The following SCMH1 variants were observed in gnomAD, a reference collection of about 807,000 sequenced individuals.
SCMH1 encodes polycomb protein SCMH1.
Under a neutral mutation model 70.8 loss-of-function variants are expected in SCMH1, and 37 were observed. The observed-to-expected ratio is 0.52, with a 90% CI of 0.40 to 0.69. The LOEUF (loss-of-function observed/expected upper bound fraction) is 0.69, where lower values mean the gene tolerates loss of function less well. Among genes scored for constraint, SCMH1 ranks in the 30% least tolerant of loss-of-function variants. SCMH1 has a pLI of 0.00. For missense variants in SCMH1, 607 were observed against 827.3 expected (o/e 0.73, Z 3.27); for synonymous variants, 292 against 307.4 (o/e 0.95, Z 0.52).
At chr1:41,206,276 A>G (rs11209687) in intron 1 of SCMH1, among the ~76,000 whole-genome samples, 70,385 of 151,918 alleles carry the variant, frequency 0.46, 18,038 homozygotes, top group Admixed American at 0.6. Context: ...CAAACCCATC[A>G]CAAGGAAGCT....
At chr1:41,216,138 T>C (rs1318434746) in intron 1 of SCMH1, among the ~76,000 whole-genome samples, 2 of 152,176 alleles carry the variant, frequency 1.3e-5, no homozygotes, top group Non-Finnish European at 2.9e-5. Context: ...ATGACAGCCC[T>C]GGCAACTAAC....
At chr1:41,094,281 A>G (rs902797162) in intron 8 of SCMH1, among the ~76,000 whole-genome samples, 2 of 152,310 alleles carry the variant, frequency 1.3e-5, no homozygotes, top group African/African-American at 2.4e-5. Flanking sequence ...GCAATCAAGT[A>G]TATCATTACT....
At chr1:41,148,769 T>C (rs927372409) in intron 5 of SCMH1, among the ~76,000 whole-genome samples, 6 of 152,012 alleles carry the variant, frequency 3.9e-5, no homozygotes, top group Admixed American at 3.3e-4. Context: ...CTTGATTCTG[T>C]GGACCTATAG....
At chr1:41,182,055 TG>T (rs1648941065) in intron 2 of SCMH1, among the ~76,000 whole-genome samples, 1 of 152,182 alleles carries the variant, frequency 6.6e-6, no homozygotes, top group Non-Finnish European at 1.5e-5. Context: ...TGTAGGGACA[TG>T]GATGAAGCTG....
intron 8 of SCMH1, chr1:41,099,122 G>T (rs56110344): frequency 0.034 from 7,952 of 234,338 alleles, 209 homozygotes; most frequent in Non-Finnish European, 0.049. Flanking sequence ...CAACAAAACT[G>T]GGATTATCTA....
intron 6 of SCMH1, among the ~76,000 whole-genome samples, chr1:41,117,366 C>A (rs528088988): frequency 2.0e-5 from 3 of 151,540 alleles, no homozygotes; most frequent in South Asian, 4.1e-4. Flanking sequence ...CCGGACAGGG[C>A]CACCAGAGGG....
At chr1:41,173,683 T>C (rs921373162) in intron 2 of SCMH1, among the ~76,000 whole-genome samples, 1 of 152,216 alleles carries the variant, frequency 6.6e-6, no homozygotes, top group African/African-American at 2.4e-5. Flanking sequence ...TGCAGCACTA[T>C]TCATAATAGT....
intron 1 of SCMH1, 114 bp downstream of exon 1, chr1:41,241,945 G>A (rs1431570244): frequency 1.3e-5 from 2 of 152,238 alleles, no homozygotes; most frequent in Admixed American, 1.3e-4. Flanking sequence ...GGCTGACCCC[G>A]GCCCGGGGGA....
intron 1 of SCMH1, among the ~76,000 whole-genome samples, chr1:41,187,962 G>A (rs1650702689): frequency 6.6e-6 from 1 of 151,886 alleles, no homozygotes; most frequent in African/African-American, 2.4e-5. Context: ...ACTCCAGCCT[G>A]GGCAACAGAA....
intron 4 of SCMH1, among the ~76,000 whole-genome samples, chr1:41,155,479 CAAACAAT>C (rs1645437887): frequency 6.6e-6 from 1 of 151,944 alleles, no homozygotes; most frequent in African/African-American, 2.4e-5. Context: ...AACAAACAAA[CAAACAAT>C]ATTTTGCTCC....
chr1:41,152,568 A>G, intron 4 of SCMH1: 2 of 1,611,620 alleles, frequency 1.2e-6, no homozygotes, highest in Non-Finnish European at 1.7e-6. Context: ...TTAAAGGTTA[A>G]ACCAATTACC....
chr1:41,035,375 G>A (rs900683122), intron 13 of SCMH1, among the ~76,000 whole-genome samples: 1 of 152,126 alleles, frequency 6.6e-6, no homozygotes, highest in Non-Finnish European at 1.5e-5. Context: ...AGGTTGCTAA[G>A]AATCACAGAA....
chr1:41,119,055 T>C (rs1030482543), intron 6 of SCMH1, among the ~76,000 whole-genome samples: 39 of 152,218 alleles, frequency 2.6e-4, no homozygotes, highest in African/African-American at 9.2e-4. Context: ...TTAAATAAAT[T>C]GCTTAAGATT....
At chr1:41,225,095 C>T (rs948857908) in intron 1 of SCMH1, among the ~76,000 whole-genome samples, 1 of 152,156 alleles carries the variant, frequency 6.6e-6, no homozygotes, top group African/African-American at 2.4e-5. Context: ...TTTAAAGGAT[C>T]AGATTCCAAA....
chr1:41,125,927 C>G (rs1293812988), intron 6 of SCMH1, among the ~76,000 whole-genome samples: 1 of 152,028 alleles, frequency 6.6e-6, no homozygotes, highest in Non-Finnish European at 1.5e-5. Context: ...GCTTCTAGGC[C>G]CTTTCAATGA....
At chr1:41,230,049 T>C (rs1661008469) in intron 1 of SCMH1, among the ~76,000 whole-genome samples, 2 of 152,180 alleles carry the variant, frequency 1.3e-5, no homozygotes, top group South Asian at 2.1e-4. Context: ...GGTGGCACTA[T>C]GTGAGGCTAA....
At chr1:41,122,516 T>C (rs1392138566) in intron 6 of SCMH1, among the ~76,000 whole-genome samples, 1 of 152,238 alleles carries the variant, frequency 6.6e-6, no homozygotes, top group Non-Finnish European at 1.5e-5. Context: ...AAATCCTTGA[T>C]AGTTTTATTG....
chr1:41,135,648 C>T (rs752299129), intron 6 of SCMH1, among the ~76,000 whole-genome samples: 15 of 152,142 alleles, frequency 9.9e-5, no homozygotes, highest in South Asian at 4.1e-4. Flanking sequence ...AGCAGGAGAA[C>T]GGACTAATAC....
At chr1:41,180,241 A>G (rs935896676) in intron 2 of SCMH1, among the ~76,000 whole-genome samples, 2 of 152,188 alleles carry the variant, frequency 1.3e-5, no homozygotes, top group Non-Finnish European at 2.9e-5. Flanking sequence ...ATCTATGACA[A>G]ACCCACAGCC....
Sources: gnomAD v4.1 joint callset for allele counts (sites outside exome capture counted in the v4.1 genomes callset) on GRCh38, gnomAD v4.1.1 for gene constraint, MANE v1.5 for transcripts, NCBI Gene and HGNC (gene_info 2026-07-23, HGNC 2026-07-21) for gene names.